The following OSBPL9 variants were observed in gnomAD, a reference collection of about 807,000 sequenced individuals.
OSBPL9 encodes oxysterol-binding protein-related protein 9.
A neutral mutation model predicts 106.6 loss-of-function variants in OSBPL9; 40 were observed. The observed-to-expected ratio is 0.38, with a 90% CI of 0.29 to 0.49. OSBPL9 has a LOEUF of 0.49. Ranked by LOEUF, OSBPL9 falls within the 20% of genes least tolerant of loss-of-function variation. The pLI, the probability that OSBPL9 is intolerant of heterozygous loss-of-function variation, is 0.97. For synonymous variants in OSBPL9, 269 were observed against 295.4 expected (o/e 0.91, Z 0.92); for missense variants, 609 against 887.2 (o/e 0.69, Z 3.98).
chr1:51,533,657 C>T, the OSBPL9 span, among the ~76,000 whole-genome samples: 1 of 151,914 alleles, frequency 6.6e-6, no homozygotes, highest in African/African-American at 2.4e-5. Context: ...GCAAATGCAG[C>T]ACATGGCCTG....
chr1:51,679,266 T>C (rs1342652300), intron 3 of OSBPL9, among the ~76,000 whole-genome samples: 1 of 152,226 alleles, frequency 6.6e-6, no homozygotes, highest in Non-Finnish European at 1.5e-5. Flanking sequence ...AGGGACTGTT[T>C]GGCTTAATAG....
chr1:51,773,458 C>T (rs188428663), intron 14 of OSBPL9, among the ~76,000 whole-genome samples: 1 of 152,292 alleles, frequency 6.6e-6, no homozygotes, highest in African/African-American at 2.4e-5. Flanking sequence ...GAAACTAAAA[C>T]TCAGAAGTTA....
chr1:51,756,194 G>A (rs1196672446), intron 8 of OSBPL9, 126 bp from the exon 9 acceptor site: 3 of 744,212 alleles, frequency 4.0e-6, no homozygotes, highest in African/African-American at 1.8e-5. Flanking sequence ...AAATCTTAGT[G>A]GAGGCAGATA....
Position 51,775,912 on chromosome 1 carries a change from C to G in OSBPL9, c.1171-921C>G, listed in dbSNP as rs532966408. Among the ~76,000 whole-genome samples, 51 of 152,170 alleles carry G rather than the reference C, an allele frequency of 3.4e-4. No homozygotes were observed. In the South Asian group the frequency reaches 0.011, roughly 32 times the overall value. ...AGGCACAAGCCAGTATGCCCAGCCT[C>G]CACCACAGCTTTTAACACAGGACCT... On this transcript the variant is annotated intron_variant, in intron 14 of 23. Coordinates refer to ENST00000428468, the MANE Select transcript of OSBPL9 (RefSeq NM_024586.6).
At chr1:51,555,341 T>C in the OSBPL9 span, among the ~76,000 whole-genome samples, 1 of 151,358 alleles carries the variant, frequency 6.6e-6, no homozygotes. Context: ...AATACAAAAA[T>C]TAGCTGGGCA....
intron 2 of OSBPL9, among the ~76,000 whole-genome samples, chr1:51,604,940 C>A (rs1319927624): frequency 6.6e-6 from 1 of 152,182 alleles, no homozygotes; most frequent in African/African-American, 2.4e-5. Context: ...GCGTGAGCCA[C>A]CGCACCTGGC....
At chr1:51,678,294 AAATGT>A (rs1358680924) in intron 3 of OSBPL9, among the ~76,000 whole-genome samples, 6 of 152,250 alleles carry the variant, frequency 3.9e-5, no homozygotes, top group African/African-American at 9.6e-5. Context: ...AAGCATTAAA[AAATGT>A]AATGTAAGTC....
intron 9 of OSBPL9, among the ~76,000 whole-genome samples, chr1:51,757,700 T>C (rs776986064): frequency 6.6e-6 from 1 of 152,050 alleles, no homozygotes; most frequent in Non-Finnish European, 1.5e-5. Flanking sequence ...TTTGAAAAAA[T>C]AGAGGAACTA....
intron 12 of OSBPL9, among the ~76,000 whole-genome samples, chr1:51,768,465 C>T (rs1485409730): frequency 6.6e-6 from 1 of 152,336 alleles, no homozygotes; most frequent in East Asian, 1.9e-4. Flanking sequence ...CCGCCTGCCT[C>T]GGCCTCCCAA....
chr1:51,784,196 A>G (rs1677067644), intron 18 of OSBPL9, 68 bp from the exon 19 acceptor site: 14 of 1,520,756 alleles, frequency 9.2e-6, no homozygotes, highest in Middle Eastern at 1.7e-4. Flanking sequence ...AGTAACCATC[A>G]GCTCGACAAG....
intron 1 of OSBPL9, among the ~76,000 whole-genome samples, chr1:51,646,742 C>T (rs964389507): frequency 2.6e-5 from 4 of 152,152 alleles, no homozygotes; most frequent in African/African-American, 9.7e-5. Context: ...ACCATGTTGG[C>T]CAGGCTGGTC....
rs181534984 is a variant in OSBPL9, at chr1:51,579,285, A to G, written c.-423+2029A>G. On this transcript the variant is annotated intron_variant, in intron 1 of 25. Transcript: ENST00000371714. ...ACACTAGAAGTGATCAATAAATACT[A>G]CTTGAGTATTTGTGTGCATATGTAA... 5.3e-5 allele frequency among the ~76,000 whole-genome samples: 8 copies of G among 152,196 alleles called. No homozygotes were observed. In the East Asian group the frequency reaches 9.7e-4, roughly 18 times the overall value.
intron 11 of OSBPL9, 142 bp downstream of exon 11, chr1:51,762,113 T>C (rs1671646546): frequency 1.7e-6 from 1 of 590,084 alleles, no homozygotes; most frequent in African/African-American, 1.8e-5. Context: ...AACATTATAG[T>C]TCCATACATG....
chr1:51,601,302 G>C (rs1645324405), intron 2 of OSBPL9, among the ~76,000 whole-genome samples: 1 of 152,208 alleles, frequency 6.6e-6, no homozygotes. Context: ...TTAGATCTTT[G>C]TAATTGATAT....
upstream of OSBPL9, among the ~76,000 whole-genome samples, chr1:51,613,510 A>T (rs769821092): frequency 3.9e-5 from 6 of 152,226 alleles, no homozygotes; most frequent in Non-Finnish European, 8.8e-5. Context: ...GGAGATTAAA[A>T]TACTCACAGA....
intron 2 of OSBPL9, among the ~76,000 whole-genome samples, chr1:51,607,049 CA>C (rs1032792668): frequency 2.9e-5 from 4 of 139,014 alleles, no homozygotes; most frequent in African/African-American, 5.3e-5. Context: ...GACTCCATCT[CA>C]AAAAAAAAGA....
intron 9 of OSBPL9, chr1:51,760,243 A>G (rs2149062669): frequency 5.9e-6 from 1 of 170,310 alleles, no homozygotes; most frequent in East Asian, 1.8e-4. Flanking sequence ...GAGTGACTGT[A>G]CTGTGTGATA....
the OSBPL9 span, among the ~76,000 whole-genome samples, chr1:51,525,484 T>C: frequency 3.3e-5 from 5 of 152,206 alleles, no homozygotes; most frequent in African/African-American, 1.2e-4. Context: ...TTTAAACCCA[T>C]GACATCTCAC....
chr1:51,668,478 C>T (rs774458807), intron 2 of OSBPL9, among the ~76,000 whole-genome samples: 15 of 151,918 alleles, frequency 9.9e-5, no homozygotes, highest in Non-Finnish European at 1.0e-4. Context: ...AAAAGTTAGC[C>T]GGGTGTGGTG....
Sources: gnomAD v4.1 joint callset for allele counts (sites outside exome capture counted in the v4.1 genomes callset) on GRCh38, gnomAD v4.1.1 for gene constraint, MANE v1.5 for transcripts, NCBI Gene and HGNC (gene_info 2026-07-23, HGNC 2026-07-21) for gene names.